The following COL6A6 variants were observed in gnomAD, a reference collection of about 807,000 sequenced individuals.
COL6A6 encodes the protein collagen alpha-6(VI) chain.
Under a neutral mutation model 208.6 loss-of-function variants are expected in COL6A6, and 183 were observed. That is an observed-to-expected ratio of 0.88 (90% CI 0.78 to 0.99). The LOEUF is 0.99. Ranked by LOEUF, COL6A6 falls within the 50% of genes least tolerant of loss-of-function variation. The pLI is 0.00. For synonymous variants in COL6A6, 973 were observed against 1,011.8 expected (o/e 0.96, Z 0.73); for missense variants, 2,816 against 2,815.2 (o/e 1.00, Z -0.01).
rs1433845359 is a variant in COL6A6, at chr3:130,676,330, G to A, written c.*933G>A. On this transcript the variant is annotated 3_prime_UTR_variant, in exon 37 of 37. Coordinates refer to ENST00000358511, the MANE Select transcript of COL6A6 (RefSeq NM_001102608.3). ...TTTAGAAAAATGTAAGAAAATCATT[G>A]TTTTAATCTACAAATTCATATGCAG... is the stretch of plus-strand genomic sequence containing the variant. The A allele has an allele frequency of 6.6e-6, 1 of 152,170 alleles. No individual in the cohort carries two copies. Among genetic ancestry groups the A allele is most frequent in the Admixed American group, 6.5e-5 (1 of 15,278 alleles). The allele number at this position is 152,170 out of a possible 1,614,324, so 9.4% of individuals were successfully genotyped here.
intron 20 of COL6A6, 81 bp from the exon 21 acceptor site, chr3:130,606,850 A>T: frequency 9.0e-7 from 1 of 1,111,058 alleles, no homozygotes; most frequent in Non-Finnish European, 1.3e-6. Context: ...TTGGTGCCTT[A>T]AAGTGTCCAT....
intron 28 of COL6A6, among the ~76,000 whole-genome samples, chr3:130,639,312 C>A (rs530596622): frequency 6.6e-6 from 1 of 152,218 alleles, no homozygotes; most frequent in South Asian, 2.1e-4. Flanking sequence ...CTGTTTCCTG[C>A]ATTTTATTTT....
At chr3:130,548,136 C>T (rs755254971) in intron 1 of COL6A6, among the ~76,000 whole-genome samples, 25 of 152,358 alleles carry the variant, frequency 1.6e-4, no homozygotes, top group Middle Eastern at 3.4e-3. Flanking sequence ...TCCAACATCC[C>T]TGCCATGTCT....
chr3:130,573,867 C>T, intron 7 of COL6A6, 89 bp from the exon 8 acceptor site: 3 of 965,408 alleles, frequency 3.1e-6, no homozygotes, highest in Non-Finnish European at 3.1e-6. Flanking sequence ...CCGCGCCCGG[C>T]CTATAGCTGC....
At chr3:130,641,258 T>A (rs909349722) in intron 28 of COL6A6, among the ~76,000 whole-genome samples, 2 of 152,206 alleles carry the variant, frequency 1.3e-5, no homozygotes, top group African/African-American at 4.8e-5. Context: ...AACTAAATCA[T>A]GGTACAACCA....
chr3:130,615,197 A>G (rs776059522), intron 23 of COL6A6, among the ~76,000 whole-genome samples: 1 of 152,180 alleles, frequency 6.6e-6, no homozygotes, highest in Admixed American at 6.5e-5. Context: ...TTATTTACCC[A>G]AAAGTCATTC....
chr3:130,644,728 A>T (rs917830307), intron 31 of COL6A6, among the ~76,000 whole-genome samples: 1 of 152,066 alleles, frequency 6.6e-6, no homozygotes, highest in Non-Finnish European at 1.5e-5. Context: ...CCCAGGCAAA[A>T]AGTCTTTGTT....
intron 11 of COL6A6, 124 bp downstream of exon 11, chr3:130,586,784 A>G: frequency 1.2e-6 from 1 of 843,706 alleles, no homozygotes; most frequent in East Asian, 2.7e-5. Flanking sequence ...GTTTTTATGA[A>G]TTAGTGAACA....
chr3:130,655,790 T>G (rs1000397091), intron 33 of COL6A6, among the ~76,000 whole-genome samples: 2 of 152,226 alleles, frequency 1.3e-5, no homozygotes, highest in Non-Finnish European at 2.9e-5. Flanking sequence ...TGGCCAGTGG[T>G]GCCTTTGCCC....
chr3:130,670,689 G>A (rs1358029420), intron 36 of COL6A6, among the ~76,000 whole-genome samples: 1 of 152,158 alleles, frequency 6.6e-6, no homozygotes, highest in African/African-American at 2.4e-5. Context: ...GCAGTGCCAC[G>A]CTGCATTTAT....
chr3:130,612,646 G>C (rs1014103650), intron 23 of COL6A6, among the ~76,000 whole-genome samples: 2 of 152,136 alleles, frequency 1.3e-5, no homozygotes, highest in African/African-American at 2.4e-5. Context: ...CGCAACACAG[G>C]GTTGACAGCC....
intron 1 of COL6A6, among the ~76,000 whole-genome samples, chr3:130,525,833 A>G (rs554590867): frequency 6.6e-6 from 1 of 152,102 alleles, no homozygotes; most frequent in South Asian, 2.1e-4. Flanking sequence ...GGAACATCAC[A>G]TTCCTCCTGG....
chr3:130,592,075 G>A (rs1218958721), intron 13 of COL6A6, among the ~76,000 whole-genome samples: 2 of 152,206 alleles, frequency 1.3e-5, no homozygotes, highest in Admixed American at 1.3e-4. Flanking sequence ...CCCTGCTGAA[G>A]ATTTGGATTG....
Position 130,676,607 on chromosome 3 carries a change from G to C in COL6A6, c.*1210G>C, listed in dbSNP as rs1168118531. The C allele has an allele frequency of 6.6e-6, 1 of 152,204 alleles. No individual in the cohort carries two copies. The highest frequency in any genetic ancestry group is 2.4e-5 in the African/African-American group (1 of 41,454). 9.4% of individuals were successfully genotyped at this position (152,204 alleles called of 1,614,324 possible). ...CCTGCCTGGATGCATGGAGCAGATG[G>C]ATACTGACACCAAGGACATTCAGAT... is the stretch of plus-strand genomic sequence containing the variant. On this transcript the variant is annotated 3_prime_UTR_variant, in exon 37 of 37. Transcript: ENST00000358511.
At chr3:130,596,389 C>T (rs575923151) in intron 18 of COL6A6, among the ~76,000 whole-genome samples, 5 of 152,214 alleles carry the variant, frequency 3.3e-5, no homozygotes, top group South Asian at 2.1e-4. Context: ...TGCTAAAGAT[C>T]GTGTGATTGT....
At chr3:130,652,621 A>G (rs1288135635) in intron 33 of COL6A6, among the ~76,000 whole-genome samples, 2 of 152,240 alleles carry the variant, frequency 1.3e-5, no homozygotes. Flanking sequence ...AAACAGAGCC[A>G]TATATGCAAC....
intron 4 of COL6A6, among the ~76,000 whole-genome samples, chr3:130,566,229 T>C (rs147626271): frequency 5.3e-5 from 8 of 152,328 alleles, no homozygotes; most frequent in Admixed American, 5.2e-4. Flanking sequence ...TTACTACAAA[T>C]GTCATTGTCT....
At chr3:130,579,323 A>G (rs1222157103) in intron 8 of COL6A6, among the ~76,000 whole-genome samples, 4 of 152,158 alleles carry the variant, frequency 2.6e-5, no homozygotes, top group African/African-American at 9.7e-5. Context: ...GTGCTTTTGT[A>G]TTTTTACTTG....
chr3:130,614,385 T>C (rs1206683258), intron 23 of COL6A6, among the ~76,000 whole-genome samples: 1 of 152,234 alleles, frequency 6.6e-6, no homozygotes, highest in Non-Finnish European at 1.5e-5. Flanking sequence ...AATTAGCTTT[T>C]TGATGTGCTA....
Sources: gnomAD v4.1 joint callset for allele counts (sites outside exome capture counted in the v4.1 genomes callset) on GRCh38, gnomAD v4.1.1 for gene constraint, MANE v1.5 for transcripts, NCBI Gene and HGNC (gene_info 2026-07-23, HGNC 2026-07-21) for gene names.